Variants in MYO1E observed in about 807,000 individuals in gnomAD.
MYO1E encodes the protein myosin IE, also known as unconventional myosin-Ie.
MYO1E carries 68 observed loss-of-function variants against 151.1 expected under a neutral mutation model. The ratio of observed to expected loss-of-function variants is 0.45; its 90% CI spans 0.37 to 0.55. MYO1E has a LOEUF of 0.55. Ranked by LOEUF, MYO1E falls within the 20% of genes least tolerant of loss-of-function variation. MYO1E has a pLI of 0.00. For synonymous variants in MYO1E, 601 were observed against 501.7 expected, an observed-to-expected ratio of 1.20 and a Z score of -2.64; for missense variants, 1,363 against 1,389.3, an observed-to-expected ratio of 0.98 and a Z score of 0.30.
chr15:59,148,838 C>G (rs539743570), intron 26 of MYO1E, among the ~76,000 whole-genome samples: 1 of 152,220 alleles, frequency 6.6e-6, no homozygotes, highest in East Asian at 1.9e-4. Context: ...GGATTAATCT[C>G]TGGAGTATCT....
At position 59,173,932 on chromosome 15, in the gene MYO1E, G is replaced by A. The variant is rs1423501247; in HGVS notation, c.2165-17C>T. The A allele has an allele frequency of 1.2e-6, 2 of 1,613,250 alleles. No individual in the cohort carries two copies. Among genetic ancestry groups the A allele is most frequent in the South Asian group, 1.1e-5 (1 of 91,048 alleles). ...GGTCTGAGGCTACAATTCCCAAGAG[G>A]GTCAAGATGGAAGAAGGATAAGTCA... On this transcript the variant is annotated splice_polypyrimidine_tract_variant and intron_variant, in intron 20 of 27. Transcript: ENST00000288235.
intron 26 of MYO1E, among the ~76,000 whole-genome samples, chr15:59,151,422 C>G (rs1350559337): frequency 6.6e-6 from 1 of 151,878 alleles, no homozygotes; most frequent in Non-Finnish European, 1.5e-5. Context: ...GAACAAGACT[C>G]CATCTCAAAC....
chr15:59,211,188 A>T (rs1351603381), intron 12 of MYO1E, among the ~76,000 whole-genome samples: 2 of 142,458 alleles, frequency 1.4e-5, no homozygotes, highest in Non-Finnish European at 1.5e-5. Context: ...TGACAGAGCG[A>T]AACTCCAACT....
chr15:59,347,948 G>C (rs755880303), intron 1 of MYO1E, among the ~76,000 whole-genome samples: 2 of 152,200 alleles, frequency 1.3e-5, no homozygotes, highest in Non-Finnish European at 2.9e-5. Context: ...TATGATCCAA[G>C]ACCCACGTCA....
At chr15:59,223,003 C>T in intron 9 of MYO1E, 56 bp downstream of exon 9, 2 of 1,610,154 alleles carry the variant, frequency 1.2e-6, no homozygotes, top group South Asian at 1.1e-5. Flanking sequence ...TGCTAGGTTA[C>T]TTCTAATCAG....
intron 1 of MYO1E, among the ~76,000 whole-genome samples, chr15:59,330,504 T>C (rs866488597): frequency 6.6e-6 from 1 of 152,362 alleles, no homozygotes; most frequent in Non-Finnish European, 1.5e-5. Context: ...CCAAGGTCTG[T>C]TGTCAGGTTT....
chr15:59,363,775 A>C (rs1262522470), intron 1 of MYO1E, among the ~76,000 whole-genome samples: 3 of 152,104 alleles, frequency 2.0e-5, no homozygotes, highest in African/African-American at 7.2e-5. Context: ...AGAGGCAGAG[A>C]GACTAATTCA....
intron 19 of MYO1E, among the ~76,000 whole-genome samples, chr15:59,177,965 C>G (rs1041253416): frequency 6.6e-6 from 1 of 152,222 alleles, no homozygotes; most frequent in South Asian, 2.1e-4. Context: ...TTGGTGTCAA[C>G]TAACCATGGG....
chr15:59,153,924 A>C, intron 25 of MYO1E, 133 bp from the exon 26 acceptor site: 1 of 826,006 alleles, frequency 1.2e-6, no homozygotes, highest in Non-Finnish European at 2.0e-6. Context: ...CATTTGAAAA[A>C]AATGGAAGGC....
At position 59,320,790 on chromosome 15, in the gene MYO1E, T is replaced by G. The variant is rs940446732; in HGVS notation, c.4-48341A>C. Among the ~76,000 whole-genome samples the G allele has an allele frequency of 3.3e-5, 5 of 152,092 alleles. No individual in the cohort carries two copies. The East Asian group carries it at 9.6e-4, about 29-fold the overall frequency. ...ATCAATCTTGGAAAAGAATCTATGA[T>G]TAAGTCCTCAAAACAACTGCAACAA... On this transcript the variant is annotated intron_variant, in intron 1 of 27. Transcript: ENST00000288235.
At chr15:59,160,336 CGTGTGTGTGT>C (rs55633634) in intron 24 of MYO1E, among the ~76,000 whole-genome samples, 2,085 of 120,144 alleles carry the variant, frequency 0.017, 58 homozygotes, top group African/African-American at 0.058. Context: ...TGAGGTAGTG[CGTGTGTGTGT>C]GTGTGTGTGT....
chr15:59,166,493 T>C (rs2079563367), intron 22 of MYO1E, among the ~76,000 whole-genome samples: 1 of 152,138 alleles, frequency 6.6e-6, no homozygotes, highest in Admixed American at 6.5e-5. Flanking sequence ...TCTTCACCAA[T>C]ATATCTTTTC....
At chr15:59,366,598 G>C (rs886594583) in intron 1 of MYO1E, among the ~76,000 whole-genome samples, 1 of 152,050 alleles carries the variant, frequency 6.6e-6, no homozygotes, top group African/African-American at 2.4e-5. Flanking sequence ...TCAGAAGGGC[G>C]GGCCAACTTC....
At chr15:59,253,901 C>CTTTTTTTTTTTTTTTTTTT (rs34819314) in intron 4 of MYO1E, among the ~76,000 whole-genome samples, 18 of 135,844 alleles carry the variant, frequency 1.3e-4, no homozygotes, top group Admixed American at 3.0e-4. Context: ...GACAAACAAC[C>CTTTTTTTTTTTTTTTTTTT]TTTTTTTTTT....
intron 8 of MYO1E, among the ~76,000 whole-genome samples, chr15:59,223,740 T>C (rs191042946): frequency 6.6e-6 from 1 of 152,316 alleles, no homozygotes. Flanking sequence ...AATAAAAGCA[T>C]CATTTAAAAG....
intron 4 of MYO1E, among the ~76,000 whole-genome samples, chr15:59,249,665 C>G (rs1407050773): frequency 6.6e-6 from 1 of 152,262 alleles, no homozygotes; most frequent in South Asian, 2.1e-4. Context: ...TCATCGCTCA[C>G]TTTTTATTTC....
chr15:59,279,307 G>A (rs1387143516), intron 1 of MYO1E, among the ~76,000 whole-genome samples: 3 of 152,278 alleles, frequency 2.0e-5, no homozygotes, highest in African/African-American at 7.2e-5. Flanking sequence ...CTGGCCCCCG[G>A]TGGAGAAGTG....
chr15:59,334,915 C>T (rs1275829763), intron 1 of MYO1E, among the ~76,000 whole-genome samples: 1 of 152,216 alleles, frequency 6.6e-6, no homozygotes, highest in African/African-American at 2.4e-5. Flanking sequence ...GTACAGGTCA[C>T]ACTTTCAGAA....
intron 5 of MYO1E, among the ~76,000 whole-genome samples, chr15:59,233,138 GC>G: frequency 6.6e-6 from 1 of 151,890 alleles, no homozygotes; most frequent in South Asian, 2.1e-4. Context: ...GGCCAGACAT[GC>G]CCATACCACT....
Sources: allele counts gnomAD v4.1 joint callset (sites outside exome capture counted in the v4.1 genomes callset), GRCh38; gene constraint gnomAD v4.1.1; transcripts MANE v1.5; gene names NCBI Gene and HGNC (gene_info 2026-07-23, HGNC 2026-07-21).